The following ARHGAP24 variants were observed in gnomAD, a reference collection of about 807,000 sequenced individuals.
ARHGAP24 encodes the protein Rho GTPase activating protein 24, also known as rho GTPase-activating protein 24.
A neutral mutation model predicts 76.4 loss-of-function variants in ARHGAP24; 50 were observed. The observed-to-expected ratio is 0.65, with a 90% confidence interval of 0.52 to 0.83. The LOEUF is 0.83. Among genes scored for constraint, ARHGAP24 ranks in the 40% least tolerant of loss-of-function variants. The probability of loss-of-function intolerance (pLI) is 0.00; values close to 1 mark genes in which losing one functional copy is unlikely to be tolerated. For missense variants in ARHGAP24, 930 were observed against 914.2 expected (o/e 1.02, Z -0.22); for synonymous variants, 345 against 323.3 (o/e 1.07, Z -0.72).
At chr4:85,628,419 T>A (rs1475517860) in intron 2 of ARHGAP24, among the ~76,000 whole-genome samples, 1 of 152,214 alleles carries the variant, frequency 6.6e-6, no homozygotes, top group Non-Finnish European at 1.5e-5. Context: ...TTGTGGATAA[T>A]GTTCCATGCA....
At position 85,590,115 on chromosome 4, in the gene ARHGAP24, G is replaced by A. The variant is rs1728023238; in HGVS notation, c.180+19394G>A. On this transcript the variant is annotated intron_variant, in intron 2 of 9. Transcript: ENST00000395184. Reference sequence around the variant, plus strand: ...AATGTTTAGCAAATGATTGTTTAATGTAAATGAAATGTTAATTTGTTTGGA... The same window carrying A: ...AATGTTTAGCAAATGATTGTTTAATATAAATGAAATGTTAATTTGTTTGGA... Among the ~76,000 whole-genome samples, 5 of 152,150 alleles carry A rather than the reference G, an allele frequency of 3.3e-5. No individual in the cohort carries two copies. In the South Asian group the frequency reaches 1.0e-3, roughly 32 times the overall value.
intron 1 of ARHGAP24, among the ~76,000 whole-genome samples, chr4:85,508,235 T>A (rs1724140399): frequency 6.6e-6 from 1 of 152,142 alleles, no homozygotes; most frequent in South Asian, 2.1e-4. Flanking sequence ...AAACATTTTC[T>A]GAAATACTGA....
At chr4:85,696,553 A>G (rs1338571788) in intron 2 of ARHGAP24, among the ~76,000 whole-genome samples, 2 of 152,162 alleles carry the variant, frequency 1.3e-5, no homozygotes, top group Non-Finnish European at 2.9e-5. Context: ...TCCTTTTGTT[A>G]GCGTATTTCC....
intron 2 of ARHGAP24, among the ~76,000 whole-genome samples, chr4:85,581,921 C>T (rs1395133824): frequency 1.3e-5 from 2 of 151,816 alleles, no homozygotes; most frequent in Non-Finnish European, 2.9e-5. Flanking sequence ...TGTATTAGTC[C>T]CTTCTTTCTG....
intron 3 of ARHGAP24, among the ~76,000 whole-genome samples, chr4:85,765,687 G>T (rs1034308973): frequency 6.6e-6 from 1 of 152,062 alleles, no homozygotes; most frequent in Non-Finnish European, 1.5e-5. Context: ...GAAAGTAATG[G>T]CAATAGTAAG....
intron 3 of ARHGAP24, among the ~76,000 whole-genome samples, chr4:85,886,170 G>C (rs1007514958): frequency 6.6e-6 from 1 of 152,060 alleles, no homozygotes; most frequent in African/African-American, 2.4e-5. Flanking sequence ...AACAAACCAT[G>C]TGTTTAGCAA....
At chr4:85,699,841 T>C (rs1411989311) in intron 2 of ARHGAP24, among the ~76,000 whole-genome samples, 1 of 152,180 alleles carries the variant, frequency 6.6e-6, no homozygotes, top group Non-Finnish European at 1.5e-5. Flanking sequence ...TTTATTTTGT[T>C]CACTGATGTA....
At chr4:85,942,570 G>T (rs180802823) in intron 5 of ARHGAP24, 63 of 305,438 alleles carry the variant, frequency 2.1e-4, no homozygotes, top group African/African-American at 1.3e-3. Context: ...TATAAAATAG[G>T]ATTCTTCTCT....
In ARHGAP24 at chr4:85,604,554, G is replaced by T. The variant is rs187321053; in HGVS notation, c.180+33833G>T. 2.6e-3 allele frequency among the ~76,000 whole-genome samples: 389 copies of T among 152,258 alleles called. 3 individuals are homozygous for T. The highest frequency in any genetic ancestry group is 8.2e-3 in the African/African-American group (341 of 41,554). On this transcript the variant is annotated intron_variant, in intron 2 of 9. Transcript: ENST00000395184. ...ATAAGGAAAAATGTTCATGATATTT[G>T]TAGTTAAAAAGATAGATGTATCGTC...
chr4:85,593,689 GA>G (rs1232978609), intron 2 of ARHGAP24, among the ~76,000 whole-genome samples: 1 of 152,094 alleles, frequency 6.6e-6, no homozygotes, highest in Non-Finnish European at 1.5e-5. Context: ...AATTTTCCCA[GA>G]ATGATTTATT....
At chr4:85,838,351 A>G (rs1399642117) in intron 3 of ARHGAP24, among the ~76,000 whole-genome samples, 1 of 152,198 alleles carries the variant, frequency 6.6e-6, no homozygotes, top group Non-Finnish European at 1.5e-5. Context: ...TAATCCCAGC[A>G]CTTTGGGAGG....
intron 3 of ARHGAP24, among the ~76,000 whole-genome samples, chr4:85,876,214 GTA>G (rs1732930033): frequency 6.6e-6 from 1 of 152,130 alleles, no homozygotes; most frequent in African/African-American, 2.4e-5. Context: ...CCCTATCCAT[GTA>G]TGTTTCAAAT....
intron 2 of ARHGAP24, among the ~76,000 whole-genome samples, chr4:85,656,421 T>G (rs1487785280): frequency 1.4e-5 from 2 of 144,860 alleles, no homozygotes; most frequent in East Asian, 2.2e-4. Context: ...ATGATAGGAC[T>G]TTAGAATCAA....
At chr4:85,889,599 A>C (rs1357935815) in intron 3 of ARHGAP24, among the ~76,000 whole-genome samples, 1 of 152,240 alleles carries the variant, frequency 6.6e-6, no homozygotes, top group African/African-American at 2.4e-5. Context: ...TCATATTCAT[A>C]CATCTTCTTT....
chr4:85,604,152 G>A (rs1422506472), intron 2 of ARHGAP24: 1 of 152,190 alleles, frequency 6.6e-6, no homozygotes, highest in African/African-American at 2.4e-5. Flanking sequence ...AACAGGCTTA[G>A]ATAACTCATT....
chr4:85,693,561 C>T lies in ARHGAP24; in HGVS notation c.181-28324C>T, dbSNP rs542442230. Among the ~76,000 whole-genome samples the T allele has an allele frequency of 2.5e-4, 38 of 152,318 alleles. No individual in the cohort carries two copies. In the South Asian group the frequency reaches 6.8e-3, roughly 27 times the overall value. On this transcript the variant is annotated intron_variant, in intron 2 of 9. Transcript: ENST00000395184. ...CTGCTGGTGGCTCCATCCTGTGTAC[C>T]TGGGGTTGGGCACCAGGTGTGCTGG...
In ARHGAP24 at chr4:85,856,921, T is replaced by C. The variant is rs370902043; in HGVS notation, c.269-66727T>C. ...TCAACAAAAATATGACCTTATACTG[T>C]TTTTGGCAACTGACTTTTTTTTAAT... On this transcript the variant is annotated intron_variant, in intron 3 of 9. Transcript: ENST00000395184. Among the ~76,000 whole-genome samples, 13 of 152,308 alleles carry C rather than the reference T, an allele frequency of 8.5e-5. No individual in the cohort carries two copies. The East Asian group carries it at 2.5e-3, about 29-fold the overall frequency.
chr4:85,690,226 A>G lies in ARHGAP24; in HGVS notation c.181-31659A>G, dbSNP rs556490233. On this transcript the variant is annotated intron_variant, in intron 2 of 9. Transcript: ENST00000395184. ...TTGATATTCTTCAGAGATATTCATC[A>G]GAGATATTCATCAGAGATATTTATC... is the stretch of plus-strand genomic sequence containing the variant. 8.9e-4 allele frequency among the ~76,000 whole-genome samples: 135 copies of G among 152,312 alleles called. No individual in the cohort carries two copies. The South Asian group carries it at 0.011, about 12-fold the overall frequency.
chr4:85,810,298 G>A (rs1728957164), intron 3 of ARHGAP24, among the ~76,000 whole-genome samples: 1 of 152,142 alleles, frequency 6.6e-6, no homozygotes, highest in Non-Finnish European at 1.5e-5. Context: ...GAAATAACAG[G>A]AATAATATCC....
Sources: gnomAD v4.1 joint callset for allele counts (sites outside exome capture counted in the v4.1 genomes callset) on GRCh38, gnomAD v4.1.1 for gene constraint, MANE v1.5 for transcripts, NCBI Gene and HGNC (gene_info 2026-07-23, HGNC 2026-07-21) for gene names.